IQSEC2: variants seen among roughly 807,000 people sequenced by gnomAD.
IQSEC2 encodes the protein IQ motif and Sec7 domain ArfGEF 2, also known as IQ motif and SEC7 domain-containing protein 2.
A neutral mutation model predicts 74.6 loss-of-function variants in IQSEC2; 6 were observed. The observed-to-expected ratio is 0.08, with a 90% CI of 0.04 to 0.16. The LOEUF (loss-of-function observed/expected upper bound fraction) is 0.16, where lower values mean the gene tolerates loss of function less well. IQSEC2 is among the 10% of genes least tolerant of loss of function. The pLI, the probability that IQSEC2 is intolerant of heterozygous loss-of-function variation, is 1.00. For synonymous variants in IQSEC2, 494 were observed against 544.5 expected, an observed-to-expected ratio of 0.91 and a Z score of 1.29; for missense variants, 734 against 1,306.2, an observed-to-expected ratio of 0.56 and a Z score of 6.75.
chrX:53,319,198 A>G (rs1214416876), intron 1 of IQSEC2, among the ~76,000 whole-genome samples: 1 of 112,068 alleles, frequency 8.9e-6, no homozygotes, highest in Non-Finnish European at 1.9e-5. Flanking sequence ...CCAGCCTCCA[A>G]GAGACACTCC....
At chrX:53,308,458 C>T (rs1343705049) in intron 1 of IQSEC2, among the ~76,000 whole-genome samples, 2 of 111,134 alleles carry the variant, frequency 1.8e-5, no homozygotes, top group Non-Finnish European at 3.8e-5. Context: ...TTTGGCCCTG[C>T]GATGACTAAT....
intron 2 of IQSEC2, chrX:53,266,803 CAAG>C (rs2074664298): frequency 9.5e-7 from 1 of 1,049,617 alleles, no homozygotes; most frequent in East Asian, 3.7e-5. Context: ...ATGGGAATTC[CAAG>C]AAGAAGGTGG....
downstream of IQSEC2, among the ~76,000 whole-genome samples, chrX:53,228,354 G>T (rs1208011707): frequency 8.9e-6 from 1 of 111,761 alleles, no homozygotes; most frequent in Non-Finnish European, 1.9e-5. Flanking sequence ...CATGTAGTAA[G>T]GCATTCAGGA....
intron 4 of IQSEC2, 89 bp downstream of exon 4, chrX:53,254,441 C>T (rs940077147): frequency 2.2e-6 from 2 of 929,931 alleles, no homozygotes; most frequent in African/African-American, 4.0e-5. Context: ...TGTCACGCAA[C>T]TTCTTTCAGT....
At chrX:53,264,491 A>ATT (rs1320942218) in intron 2 of IQSEC2, among the ~76,000 whole-genome samples, 1 of 99,236 alleles carries the variant, frequency 1.0e-5, no homozygotes, top group Non-Finnish European at 2.0e-5. Context: ...ATTCAGCGGA[A>ATT]GGGTAGAATG....
intron 1 of IQSEC2, among the ~76,000 whole-genome samples, chrX:53,292,889 G>A (rs1037392210): frequency 2.7e-5 from 3 of 111,746 alleles, no homozygotes; most frequent in Admixed American, 1.9e-4. Context: ...GAGGACCATG[G>A]AATTTGAAAG....
chrX:53,238,040 G>T, intron 12 of IQSEC2, 105 bp downstream of exon 12: 2 of 929,864 alleles, frequency 2.2e-6, no homozygotes, highest in Non-Finnish European at 3.0e-6. Context: ...TGGGAAGGTT[G>T]GACAAGCTAA....
intron 2 of IQSEC2, chrX:53,281,415 C>G: frequency 3.7e-6 from 2 of 536,843 alleles, no homozygotes; most frequent in Non-Finnish European, 6.0e-6. Flanking sequence ...AGCCAGGAGG[C>G]TGCTGAATCA....
chrX:53,235,908 C>A (rs1019934444), intron 13 of IQSEC2, 76 bp from the exon 14 acceptor site: 2 of 1,014,929 alleles, frequency 2.0e-6, no homozygotes, highest in East Asian at 6.7e-5. Context: ...GAGCTGGGCA[C>A]CAGGACTGGG....
chrX:53,266,375 C>T (rs782224689), intron 2 of IQSEC2: 87 of 751,751 alleles, frequency 1.2e-4, no homozygotes, highest in Non-Finnish European at 1.3e-4. Flanking sequence ...CACAGCAACA[C>T]GCACTCTGAG....
rs1556859248 is a variant in IQSEC2 at position 53,234,990 on chromosome X, A to C, written c.3696T>G (p.Ser1232=). Residue 1232 remains serine (S), a synonymous_variant, in exon 15 of 15, where the codon TCT becomes TCG. Transcript: ENST00000642864. ...GGTGGTGCGTGGAAGAAGCAGATGA[A>C]GAGGAGGCAGAGGCCTGGCCTGTTG... The part of the protein sequence containing the change: ...PPPTGQASAS[S]SSASSTHHHH... 2 of 1,165,074 alleles carry C rather than the reference A, an allele frequency of 1.7e-6. No individual in the cohort carries two copies. The highest frequency in any genetic ancestry group is 3.6e-5 in the African/African-American group (2 of 55,418).
intron 2 of IQSEC2, among the ~76,000 whole-genome samples, chrX:53,280,913 G>A (rs180748835): frequency 1.8e-5 from 2 of 112,394 alleles, no homozygotes; most frequent in African/African-American, 6.5e-5. Flanking sequence ...GCAGACTGTG[G>A]TCAGGGCCTG....
chrX:53,245,916 G>A (rs1011515042), intron 8 of IQSEC2, among the ~76,000 whole-genome samples: 8 of 100,475 alleles, frequency 8.0e-5, no homozygotes, highest in African/African-American at 2.9e-4. Flanking sequence ...AGGCTGGAGT[G>A]CAGTGGTGCG....
intron 1 of IQSEC2, among the ~76,000 whole-genome samples, chrX:53,293,757 C>G (rs1383714581): frequency 8.9e-6 from 1 of 112,203 alleles, no homozygotes; most frequent in Non-Finnish European, 1.9e-5. Flanking sequence ...GTGGACTGGC[C>G]ACTTGTCCCA....
Position 53,250,705 on chromosome X carries a change from T to A in IQSEC2, c.1871A>T (p.Asp624Val). The A allele has an allele frequency of 1.7e-6, 2 of 1,211,337 alleles. No individual in the cohort carries two copies. The highest frequency in any genetic ancestry group is 2.2e-6 in the Non-Finnish European group (2 of 895,360). ...SVHRQLVYEADGCSPHGTLKH... is the reference protein window; with the variant it reads ...SVHRQLVYEAVGCSPHGTLKH... The stretch of plus-strand genomic sequence containing the variant: ...CAGGGTCCCATGGGGGCTGCAGCCA[T>A]CAGCCTCATACACCAGCTGGCGGTG... Residue 624 changes from aspartate (D) to valine (V), a missense_variant, in exon 5 of 15, where the codon GAT becomes GTT. Around this residue, in one of 12 missense-constraint regions of IQSEC2, gnomAD observed 204 missense variants for 305.4 expected, o/e 0.67. Transcript: ENST00000642864.
At chrX:53,314,629 A>C (rs1159509466) in intron 1 of IQSEC2, among the ~76,000 whole-genome samples, 5 of 111,860 alleles carry the variant, frequency 4.5e-5, no homozygotes, top group African/African-American at 6.5e-5. Flanking sequence ...GAGTGGGCTA[A>C]CCAGGGGGGC....
chrX:53,304,976 T>C (rs1381600790), intron 1 of IQSEC2, among the ~76,000 whole-genome samples: 2 of 111,047 alleles, frequency 1.8e-5, no homozygotes, highest in Non-Finnish European at 3.8e-5. Flanking sequence ...TGGAGTACAG[T>C]GGTGCAATCT....
intron 2 of IQSEC2, among the ~76,000 whole-genome samples, chrX:53,257,484 C>T (rs1275533561): frequency 1.8e-5 from 2 of 111,850 alleles, no homozygotes; most frequent in African/African-American, 3.3e-5. Context: ...CCTGACATCA[C>T]CCCCACTCCA....
intron 2 of IQSEC2, among the ~76,000 whole-genome samples, chrX:53,283,947 T>C (rs1159749380): frequency 9.0e-6 from 1 of 111,451 alleles, no homozygotes; most frequent in African/African-American, 3.3e-5. Flanking sequence ...ACAAAGGACC[T>C]GAGGTGGTAT....
Sources: allele counts gnomAD v4.1 joint callset (sites outside exome capture counted in the v4.1 genomes callset), GRCh38; gene constraint gnomAD v4.1.1; regional missense constraint gnomAD v4.1.1; transcripts MANE v1.5; gene names NCBI Gene and HGNC (gene_info 2026-07-23, HGNC 2026-07-21).